The following PTPRO variants were observed in gnomAD, a reference collection of about 807,000 sequenced individuals.
PTPRO encodes the protein receptor-type tyrosine-protein phosphatase O.
Under a neutral mutation model 145.2 loss-of-function variants are expected in PTPRO, and 62 were observed. The observed-to-expected ratio is 0.43, with a 90% CI of 0.35 to 0.53. The LOEUF (loss-of-function observed/expected upper bound fraction) is 0.53. Ranked by LOEUF, PTPRO falls within the 20% of genes least tolerant of loss-of-function variation. PTPRO has a pLI of 0.01. For synonymous variants in PTPRO, 565 were observed against 514.7 expected, an observed-to-expected ratio of 1.10 and a Z score of -1.32; for missense variants, 1,345 against 1,482.7, an observed-to-expected ratio of 0.91 and a Z score of 1.53.
chr12:15,493,229 A>T (rs978138264), intron 2 of PTPRO, among the ~76,000 whole-genome samples: 2 of 152,150 alleles, frequency 1.3e-5, no homozygotes, highest in African/African-American at 2.4e-5. Context: ...GTCTACCTAG[A>T]ATTTTATACC....
intron 1 of PTPRO, among the ~76,000 whole-genome samples, chr12:15,393,453 C>A (rs1271085925): frequency 6.6e-6 from 1 of 152,160 alleles, no homozygotes; most frequent in African/African-American, 2.4e-5. Flanking sequence ...TCCTGCTCAA[C>A]TTTATGACAT....
At chr12:15,528,486 C>T (rs1274824778) in intron 12 of PTPRO, among the ~76,000 whole-genome samples, 7 of 148,986 alleles carry the variant, frequency 4.7e-5, no homozygotes, top group Non-Finnish European at 7.4e-5. Flanking sequence ...GATCGCACCA[C>T]TGCACACCAG....
At position 15,580,681 on chromosome 12, in the gene PTPRO, G is replaced by T. The variant is rs780829707; in HGVS notation, c.2998-16G>T. The T allele has an allele frequency of 6.2e-7, 1 of 1,613,984 alleles. No homozygotes were observed. Among genetic ancestry groups the T allele is most frequent in the Admixed American group, 1.7e-5 (1 of 60,024 alleles). On this transcript the variant is annotated splice_polypyrimidine_tract_variant and intron_variant, in intron 21 of 26. Transcript: ENST00000281171. Reference sequence around the variant, plus strand: ...CAGTGTCTGGTTAGGTGATAATTTTGTCACTTATCTTTCAGGGATACAACT... The same window carrying T: ...CAGTGTCTGGTTAGGTGATAATTTTTTCACTTATCTTTCAGGGATACAACT...
intron 1 of PTPRO, among the ~76,000 whole-genome samples, chr12:15,370,489 C>T (rs1286404064): frequency 6.6e-6 from 1 of 152,020 alleles, no homozygotes; most frequent in East Asian, 1.9e-4. Flanking sequence ...ATATAGAAAA[C>T]TTCTCAAAGC....
chr12:15,474,006 C>T (rs550047853), intron 1 of PTPRO, among the ~76,000 whole-genome samples: 8 of 152,070 alleles, frequency 5.3e-5, no homozygotes, highest in African/African-American at 1.4e-4. Context: ...GCTACAGAGG[C>T]GGAAGAGAAA....
chr12:15,360,009 T>G (rs1938125549), intron 1 of PTPRO, among the ~76,000 whole-genome samples: 1 of 152,172 alleles, frequency 6.6e-6, no homozygotes, highest in African/African-American at 2.4e-5. Context: ...CCCAAGTGGT[T>G]AGCTCTATTT....
intron 1 of PTPRO, among the ~76,000 whole-genome samples, chr12:15,435,657 G>C (rs185896645): frequency 6.7e-6 from 1 of 150,346 alleles, no homozygotes; most frequent in East Asian, 1.9e-4. Flanking sequence ...ATCACCATTG[G>C]TTCTTCTTTC....
intron 5 of PTPRO, among the ~76,000 whole-genome samples, chr12:15,503,464 G>A (rs1322587326): frequency 6.6e-6 from 1 of 152,054 alleles, no homozygotes; most frequent in African/African-American, 2.4e-5. Context: ...TTAAAAATTA[G>A]ATGTATTTTA....
At chr12:15,512,461 T>C (rs545409795) in intron 7 of PTPRO, among the ~76,000 whole-genome samples, 6 of 152,280 alleles carry the variant, frequency 3.9e-5, no homozygotes, top group Non-Finnish European at 8.8e-5. Flanking sequence ...TAATAGCGTA[T>C]TATTTATGTG....
intron 1 of PTPRO, among the ~76,000 whole-genome samples, chr12:15,356,420 A>G (rs1937990162): frequency 6.6e-6 from 1 of 152,128 alleles, no homozygotes; most frequent in Non-Finnish European, 1.5e-5. Context: ...TGAAGACAAA[A>G]TATCTCATAT....
intron 1 of PTPRO, among the ~76,000 whole-genome samples, chr12:15,457,892 G>A (rs253802): frequency 1.3e-5 from 2 of 152,040 alleles, no homozygotes; most frequent in African/African-American, 2.4e-5. Flanking sequence ...AATTTACACA[G>A]CACCATTACA....
intron 1 of PTPRO, among the ~76,000 whole-genome samples, chr12:15,462,311 A>T (rs1394168126): frequency 1.3e-5 from 2 of 152,090 alleles, no homozygotes; most frequent in Non-Finnish European, 2.9e-5. Flanking sequence ...TTTTCAGTAG[A>T]GACCGGGTTT....
chr12:15,475,565 T>C (rs1361450523), intron 1 of PTPRO, among the ~76,000 whole-genome samples: 2 of 152,228 alleles, frequency 1.3e-5, no homozygotes, highest in East Asian at 1.9e-4. Flanking sequence ...ACAAAAATTC[T>C]GAGATTCCGA....
chr12:15,498,224 T>C (rs1298559274), intron 3 of PTPRO, among the ~76,000 whole-genome samples: 3 of 152,224 alleles, frequency 2.0e-5, no homozygotes, highest in African/African-American at 4.8e-5. Flanking sequence ...CACTCATTTC[T>C]TCAATGGATT....
chr12:15,381,979 C>A (rs1938876072), intron 1 of PTPRO, among the ~76,000 whole-genome samples: 1 of 151,750 alleles, frequency 6.6e-6, no homozygotes, highest in Admixed American at 6.6e-5. Flanking sequence ...ATTATCTGAG[C>A]AAAATAAATT....
At chr12:15,460,837 GC>G (rs1565642946) in intron 1 of PTPRO, among the ~76,000 whole-genome samples, 1 of 152,078 alleles carries the variant, frequency 6.6e-6, no homozygotes, top group African/African-American at 2.4e-5. Context: ...TAAGAAGTTG[GC>G]ATAACCTGTG....
chr12:15,353,398 T>C (rs1290227660), intron 1 of PTPRO, among the ~76,000 whole-genome samples: 3 of 151,024 alleles, frequency 2.0e-5, no homozygotes, highest in Non-Finnish European at 4.4e-5. Context: ...CCTAAGAATT[T>C]AACCATGTTG....
At chr12:15,566,207 C>T (rs939209349) in intron 18 of PTPRO, among the ~76,000 whole-genome samples, 2 of 152,134 alleles carry the variant, frequency 1.3e-5, no homozygotes, top group Admixed American at 6.5e-5. Context: ...TAGATTATCA[C>T]CTCCATGCCT....
At chr12:15,556,881 C>T (rs979400692) in intron 15 of PTPRO, among the ~76,000 whole-genome samples, 1 of 151,916 alleles carries the variant, frequency 6.6e-6, no homozygotes, top group South Asian at 2.1e-4. Flanking sequence ...TCATGAATGC[C>T]CTTTGGAAAG....
Sources: gnomAD v4.1 joint callset for allele counts (sites outside exome capture counted in the v4.1 genomes callset) on GRCh38, gnomAD v4.1.1 for gene constraint, MANE v1.5 for transcripts, NCBI Gene and HGNC (gene_info 2026-07-23, HGNC 2026-07-21) for gene names.